ZNF536: variants seen among roughly 807,000 people sequenced by gnomAD.
ZNF536 encodes zinc finger protein 536.
A neutral mutation model predicts 84.5 loss-of-function variants in ZNF536; 13 were observed. The observed-to-expected ratio is 0.15, with a 90% CI of 0.10 to 0.24. The LOEUF (loss-of-function observed/expected upper bound fraction) is 0.24. ZNF536 is among the 10% of genes least tolerant of loss of function. ZNF536 has a pLI of 1.00. For missense variants in ZNF536, 1,536 were observed against 1,747.5 expected (o/e 0.88, Z 2.16); for synonymous variants, 811 against 742.5 (o/e 1.09, Z -1.50).
intron 2 of ZNF536, among the ~76,000 whole-genome samples, chr19:30,332,433 C>A (rs747786468): frequency 6.6e-6 from 1 of 152,086 alleles, no homozygotes; most frequent in Non-Finnish European, 1.5e-5. Flanking sequence ...CCTCAGTGGG[C>A]GTCCAGGCAT....
At chr19:30,315,696 C>G (rs1264209445) in intron 2 of ZNF536, among the ~76,000 whole-genome samples, 1 of 152,184 alleles carries the variant, frequency 6.6e-6, no homozygotes, top group Non-Finnish European at 1.5e-5. Context: ...CCTTTCAACT[C>G]TACTTCCAAA....
chr19:30,600,496 T>A (rs1038592891), intron 1 of ZNF536, among the ~76,000 whole-genome samples: 2 of 152,136 alleles, frequency 1.3e-5, no homozygotes, highest in Admixed American at 6.5e-5. Flanking sequence ...AGGCTGACCG[T>A]TTCATGAATG....
intron 2 of ZNF536, among the ~76,000 whole-genome samples, chr19:30,339,830 A>G (rs1319816313): frequency 1.3e-5 from 2 of 152,240 alleles, no homozygotes; most frequent in South Asian, 2.1e-4. Context: ...GTCGACTTGG[A>G]GGCTGCCTTC....
At chr19:30,475,893 G>A (rs1235790477) in intron 2 of ZNF536, among the ~76,000 whole-genome samples, 2 of 152,148 alleles carry the variant, frequency 1.3e-5, no homozygotes, top group African/African-American at 4.8e-5. Flanking sequence ...CTCCTCCAGG[G>A]ACTTAAGGTT....
At chr19:30,585,842 C>A (rs2047077162) in intron 1 of ZNF536, among the ~76,000 whole-genome samples, 1 of 152,142 alleles carries the variant, frequency 6.6e-6, no homozygotes, top group South Asian at 2.1e-4. Flanking sequence ...TAATACAAGT[C>A]TTCTCCCACT....
intron 2 of ZNF536, among the ~76,000 whole-genome samples, chr19:30,344,669 G>T (rs571399995): frequency 1.0e-5 from 1 of 99,822 alleles, no homozygotes; most frequent in East Asian, 4.6e-4. Flanking sequence ...AGCAGAGCAG[G>T]CAGGCCATTT....
At chr19:30,628,956 G>A (rs2048789890) in intron 1 of ZNF536, among the ~76,000 whole-genome samples, 1 of 152,192 alleles carries the variant, frequency 6.6e-6, no homozygotes, top group South Asian at 2.1e-4. Flanking sequence ...ACCTGCCTTG[G>A]CCTCCCAAAG....
chr19:30,315,472 C>A (rs921091967), intron 2 of ZNF536, among the ~76,000 whole-genome samples: 1 of 152,116 alleles, frequency 6.6e-6, no homozygotes, highest in Non-Finnish European at 1.5e-5. Context: ...TCTGGGCCCT[C>A]TGTAGCAGGG....
chr19:30,481,132 C>G (rs182177767), intron 2 of ZNF536, among the ~76,000 whole-genome samples: 4 of 152,228 alleles, frequency 2.6e-5, no homozygotes, highest in African/African-American at 7.2e-5. Context: ...TTTCAAGTCC[C>G]AGTCACTTAT....
At chr19:30,534,636 A>C (rs1183265175) in intron 2 of ZNF536, among the ~76,000 whole-genome samples, 2 of 152,250 alleles carry the variant, frequency 1.3e-5, no homozygotes, top group Non-Finnish European at 2.9e-5. Flanking sequence ...TAAAGGTACC[A>C]TATGCTGCTT....
chr19:30,333,611 G>A (rs2047287281), intron 2 of ZNF536, among the ~76,000 whole-genome samples: 1 of 152,176 alleles, frequency 6.6e-6, no homozygotes, highest in Non-Finnish European at 1.5e-5. Context: ...CCAGGGCAGT[G>A]TCCCAGTGTC....
chr19:30,343,915 C>A (rs1323197590), intron 2 of ZNF536, among the ~76,000 whole-genome samples: 1 of 151,982 alleles, frequency 6.6e-6, no homozygotes. Context: ...TGAAAGCGTC[C>A]CTGTTTCAGT....
At chr19:30,373,850 G>A (rs2048703183) in intron 1 of ZNF536, among the ~76,000 whole-genome samples, 1 of 152,214 alleles carries the variant, frequency 6.6e-6, no homozygotes, top group African/African-American at 2.4e-5. Flanking sequence ...ACACGGAGGA[G>A]GAGCGGCCTG....
At chr19:30,509,810 A>G (rs17313879) in intron 2 of ZNF536, among the ~76,000 whole-genome samples, 17,112 of 152,312 alleles carry the variant, frequency 0.11, 1,117 homozygotes, top group Non-Finnish European at 0.15. Flanking sequence ...TCCGAAGTAC[A>G]ATGGCTATTA....
intron 2 of ZNF536, among the ~76,000 whole-genome samples, chr19:30,499,523 G>A (rs553396612): frequency 6.6e-6 from 1 of 152,020 alleles, no homozygotes; most frequent in Non-Finnish European, 1.5e-5. Flanking sequence ...TATCCATATA[G>A]CTATCTATAT....
intron 2 of ZNF536, among the ~76,000 whole-genome samples, chr19:30,459,290 T>TTTTC (rs1016316120): frequency 6.6e-5 from 10 of 151,600 alleles, no homozygotes; most frequent in Non-Finnish European, 8.8e-5. Context: ...ACATCTTTCT[T>TTTTC]TTTCTTTCTT....
At chr19:30,293,289 C>A (rs2045899551) in intron 2 of ZNF536, among the ~76,000 whole-genome samples, 2 of 152,150 alleles carry the variant, frequency 1.3e-5, no homozygotes, top group African/African-American at 4.8e-5. Flanking sequence ...GTACCAGGAA[C>A]CTTCTGATAT....
chr19:30,232,555 T>A (rs2023147536), intron 1 of ZNF536, among the ~76,000 whole-genome samples: 1 of 152,224 alleles, frequency 6.6e-6, no homozygotes, highest in Non-Finnish European at 1.5e-5. Flanking sequence ...GTTCCTGCGT[T>A]AATTCGCTTA....
chr19:30,437,666 C>G (rs973818026), intron 1 of ZNF536, among the ~76,000 whole-genome samples: 5 of 151,700 alleles, frequency 3.3e-5, no homozygotes, highest in Non-Finnish European at 7.4e-5. Context: ...CCCCAAGGTG[C>G]CCCACCATGA....
Sources: allele counts gnomAD v4.1 joint callset (sites outside exome capture counted in the v4.1 genomes callset), GRCh38; gene constraint gnomAD v4.1.1; transcripts MANE v1.5; gene names NCBI Gene and HGNC (gene_info 2026-07-23, HGNC 2026-07-21).